Variants in SGCZ observed in about 807,000 individuals in gnomAD.
SGCZ encodes sarcoglycan zeta, also known as zeta-sarcoglycan.
SGCZ carries 40 observed loss-of-function variants against 41.3 expected under a neutral mutation model. The ratio of observed to expected loss-of-function variants is 0.97; its 90% confidence interval spans 0.75 to 1.26. The LOEUF is 1.26. Ranked by LOEUF, SGCZ falls within the 50% of genes most tolerant of loss-of-function variation. The pLI is 0.00. For synonymous variants in SGCZ, 206 were observed against 137.5 expected (o/e 1.50, Z -3.49); for missense variants, 552 against 369.8 (o/e 1.49, Z -4.04).
At chr8:14,654,393 AT>A (rs979563257) in intron 1 of SGCZ, among the ~76,000 whole-genome samples, 3 of 152,050 alleles carry the variant, frequency 2.0e-5, no homozygotes, top group African/African-American at 7.3e-5. Flanking sequence ...GGGGAAGATG[AT>A]GGTCATGAAA....
chr8:14,858,471 T>A (rs937452988), intron 1 of SGCZ, among the ~76,000 whole-genome samples: 1 of 152,100 alleles, frequency 6.6e-6, no homozygotes, highest in African/African-American at 2.4e-5. Flanking sequence ...AGTTGAAACA[T>A]GAGAAAAATC....
intron 2 of SGCZ, among the ~76,000 whole-genome samples, chr8:14,339,109 C>A (rs1473279825): frequency 1.3e-5 from 2 of 151,412 alleles, no homozygotes; most frequent in African/African-American, 4.9e-5. Context: ...TTTTTTTTCT[C>A]CAGAGTGTTC....
At chr8:14,901,166 C>A (rs1436098406) in intron 1 of SGCZ, among the ~76,000 whole-genome samples, 1 of 152,174 alleles carries the variant, frequency 6.6e-6, no homozygotes, top group Non-Finnish European at 1.5e-5. Flanking sequence ...AATCTCAGAT[C>A]AAATTGCAAC....
At chr8:14,111,860 A>T (rs1563133346) in intron 5 of SGCZ, among the ~76,000 whole-genome samples, 1 of 152,206 alleles carries the variant, frequency 6.6e-6, no homozygotes, top group Non-Finnish European at 1.5e-5. Context: ...TTTAAGACAT[A>T]AGCTAGGATA....
rs144112274 is a variant in SGCZ, at chr8:14,348,665, C to T, written c.235-24461G>A. Among the ~76,000 whole-genome samples, 30 of 152,132 alleles carry T rather than the reference C, an allele frequency of 2.0e-4. 2 individuals carry two copies. The highest frequency in any genetic ancestry group is 3.4e-3 in the Middle Eastern group (1 of 294). ...AGGTATGGCTTATTCTCCCAAGGAACGCACATTATAGTTGGAAAGATATCT... is the reference window on the plus strand; with the variant it reads ...AGGTATGGCTTATTCTCCCAAGGAATGCACATTATAGTTGGAAAGATATCT... On this transcript the variant is annotated intron_variant, in intron 2 of 7. Transcript: ENST00000382080.
chr8:14,350,314 G>A (rs1164648223), intron 2 of SGCZ, among the ~76,000 whole-genome samples: 1 of 151,772 alleles, frequency 6.6e-6, no homozygotes, highest in African/African-American at 2.4e-5. Flanking sequence ...TGTTTGTGAT[G>A]GGAACAGGTC....
At chr8:14,340,971 G>A (rs1375138947) in intron 2 of SGCZ, among the ~76,000 whole-genome samples, 1 of 151,988 alleles carries the variant, frequency 6.6e-6, no homozygotes, top group Non-Finnish European at 1.5e-5. Context: ...CCTGGTAACT[G>A]CTATTCTACC....
intron 5 of SGCZ, among the ~76,000 whole-genome samples, chr8:14,134,016 T>A (rs770866982): frequency 5.9e-5 from 9 of 152,324 alleles, no homozygotes; most frequent in African/African-American, 2.2e-4. Context: ...AGTACATGAA[T>A]ATGCATCAGA....
At chr8:14,435,018 C>T (rs377478017) in intron 2 of SGCZ, among the ~76,000 whole-genome samples, 1 of 151,882 alleles carries the variant, frequency 6.6e-6, no homozygotes, top group African/African-American at 2.4e-5. Flanking sequence ...AAATAATTAC[C>T]AATTTTGTTA....
At chr8:14,811,128 A>T (rs1052493113) in intron 1 of SGCZ, among the ~76,000 whole-genome samples, 2 of 152,068 alleles carry the variant, frequency 1.3e-5, no homozygotes, top group African/African-American at 4.8e-5. Context: ...TAGAACACAG[A>T]AATAAACTGC....
chr8:14,725,854 A>C (rs2130207872), intron 1 of SGCZ, among the ~76,000 whole-genome samples: 1 of 152,358 alleles, frequency 6.6e-6, no homozygotes, highest in Admixed American at 6.5e-5. Context: ...GAAATTACTT[A>C]AAGATGGAAA....
intron 2 of SGCZ, among the ~76,000 whole-genome samples, chr8:14,539,287 C>G (rs184693614): frequency 1.3e-4 from 20 of 152,062 alleles, no homozygotes; most frequent in African/African-American, 4.8e-4. Context: ...TGTAACATCT[C>G]TCCTTGTCTC....
chr8:14,989,759 G>A (rs1306953212), intron 1 of SGCZ, among the ~76,000 whole-genome samples: 2 of 152,236 alleles, frequency 1.3e-5, no homozygotes, highest in East Asian at 3.9e-4. Flanking sequence ...AAGAGAGATC[G>A]AAAATAAGAG....
intron 1 of SGCZ, among the ~76,000 whole-genome samples, chr8:15,209,408 T>TA (rs11422785): frequency 0.79 from 118,465 of 150,800 alleles, 46,842 homozygotes; most frequent in Middle Eastern, 0.84. Flanking sequence ...TTTATTCCCA[T>TA]ATCTCTTCTT....
intron 1 of SGCZ, among the ~76,000 whole-genome samples, chr8:14,985,033 C>A (rs1016826914): frequency 2.0e-5 from 3 of 151,948 alleles, no homozygotes; most frequent in Non-Finnish European, 2.9e-5. Context: ...CTGACGGTAC[C>A]CTGATTTCTT....
intron 1 of SGCZ, among the ~76,000 whole-genome samples, chr8:14,646,506 C>T (rs187428670): frequency 5.3e-5 from 8 of 151,890 alleles, no homozygotes; most frequent in Admixed American, 1.3e-4. Context: ...TCATGAATAG[C>T]GCTGTGATGA....
chr8:15,017,020 C>T (rs995588917), intron 1 of SGCZ, among the ~76,000 whole-genome samples: 1 of 152,192 alleles, frequency 6.6e-6, no homozygotes, highest in African/African-American at 2.4e-5. Flanking sequence ...ACACCTCCCA[C>T]TAGACTCCAC....
At chr8:15,231,443 C>A (rs933127312) in intron 1 of SGCZ, among the ~76,000 whole-genome samples, 1 of 152,008 alleles carries the variant, frequency 6.6e-6, no homozygotes, top group Non-Finnish European at 1.5e-5. Context: ...TGTGAGGCTA[C>A]ATAATGCTCT....
intron 3 of SGCZ, among the ~76,000 whole-genome samples, chr8:14,283,785 A>G (rs1800529176): frequency 6.6e-6 from 1 of 152,234 alleles, no homozygotes; most frequent in Non-Finnish European, 1.5e-5. Flanking sequence ...CTGCAATGGC[A>G]CAACAGCAGC....
Sources: gnomAD v4.1 joint callset for allele counts (sites outside exome capture counted in the v4.1 genomes callset) on GRCh38, gnomAD v4.1.1 for gene constraint, MANE v1.5 for transcripts, NCBI Gene and HGNC (gene_info 2026-07-23, HGNC 2026-07-21) for gene names.